Variants in RALGAPA2 observed in about 807,000 individuals in gnomAD.
The protein encoded by RALGAPA2 is ral GTPase-activating protein subunit alpha-2.
In RALGAPA2, 139 loss-of-function variants were observed where a neutral mutation model predicts 230.4. The ratio of observed to expected loss-of-function variants is 0.60; its 90% confidence interval spans 0.53 to 0.69. RALGAPA2 has a LOEUF of 0.69. Among genes scored for constraint, RALGAPA2 ranks in the 30% least tolerant of loss-of-function variants. The pLI, the probability that RALGAPA2 is intolerant of heterozygous loss-of-function variation, is 0.00. For synonymous variants in RALGAPA2, 847 were observed against 837.8 expected, an observed-to-expected ratio of 1.01 and a Z score of -0.19; for missense variants, 2,163 against 2,276.0, an observed-to-expected ratio of 0.95 and a Z score of 1.01.
intron 20 of RALGAPA2, among the ~76,000 whole-genome samples, chr20:20,582,015 GA>G (rs1450744810): frequency 6.6e-6 from 1 of 152,076 alleles, no homozygotes; most frequent in African/African-American, 2.4e-5. Context: ...TTCCCGCACT[GA>G]TTCCTCAGAC....
Position 20,513,093 on chromosome 20 carries a change from G to A in RALGAPA2, c.4276C>T (p.Leu1426=). Residue 1426 remains leucine, a synonymous_variant, in exon 32 of 40, where the codon CTG becomes TTG. Transcript: ENST00000202677. ...LSFEVFRSPN[L]QLFVFNDSTL... is the part of the protein sequence containing the mutation. Reference sequence around the variant, plus strand: ...CTATCATTAAATACAAACAGCTGCAGGTTTGGACTTCTGAACACCTCAAAG... The same window carrying A: ...CTATCATTAAATACAAACAGCTGCAAGTTTGGACTTCTGAACACCTCAAAG... 6.3e-7 allele frequency: 1 copy of A among 1,599,830 alleles called. No individual in the cohort carries two copies. The highest frequency in any genetic ancestry group is 8.5e-7 in the Non-Finnish European group (1 of 1,174,048).
intron 24 of RALGAPA2, among the ~76,000 whole-genome samples, chr20:20,539,571 C>A (rs996124352): frequency 1.3e-5 from 2 of 152,132 alleles, no homozygotes; most frequent in African/African-American, 4.8e-5. Context: ...ATGATTACCA[C>A]AAACAAGTGA....
rs1776210782 is a variant in RALGAPA2 at position 20,513,148 on chromosome 20, G to C, written c.4221C>G (p.Asp1407Glu). ...GCTCGGAGCCTTCCACATGGGCATT[G>C]TCATGGTTCTCGCTGACAAGGCTGT... ...ILHSLVSENH[D>E]NAHVEGSELS... is the part of the protein sequence containing the mutation. The change falls in exon 32 of 40, where the codon GAC becomes GAG. Residue 1407 changes from aspartate to glutamate, a missense_variant. Transcript: ENST00000202677. The C allele has an allele frequency of 6.4e-7, 1 of 1,559,344 alleles. No individual in the cohort carries two copies. The highest frequency in any genetic ancestry group is 1.3e-5 in the South Asian group (1 of 79,718).
At chr20:20,632,326 G>A (rs959166668) in intron 9 of RALGAPA2, among the ~76,000 whole-genome samples, 1 of 151,966 alleles carries the variant, frequency 6.6e-6, no homozygotes, top group Admixed American at 6.6e-5. Flanking sequence ...CACCGTGCCC[G>A]GCCCCTAATT....
At chr20:20,602,967 G>T (rs995075131) in intron 15 of RALGAPA2, among the ~76,000 whole-genome samples, 2 of 152,114 alleles carry the variant, frequency 1.3e-5, no homozygotes, top group African/African-American at 4.8e-5. Flanking sequence ...GTTCTCTTCT[G>T]GGCTGAGAAC....
chr20:20,679,178 C>T (rs771219759), intron 2 of RALGAPA2, among the ~76,000 whole-genome samples: 1 of 152,154 alleles, frequency 6.6e-6, no homozygotes, highest in Non-Finnish European at 1.5e-5. Flanking sequence ...CCATGCACCT[C>T]AAACACAGAC....
intron 37 of RALGAPA2, among the ~76,000 whole-genome samples, chr20:20,450,918 T>C (rs936677487): frequency 3.9e-5 from 6 of 152,232 alleles, no homozygotes; most frequent in African/African-American, 9.6e-5. Context: ...TAGGTAATTA[T>C]TTGAATACTC....
rs16981989 is a variant in RALGAPA2 at position 20,569,554 on chromosome 20, A to C, written c.3156+1904T>G. Among the ~76,000 whole-genome samples, 914 of 152,306 alleles carry C rather than the reference A, an allele frequency of 6.0e-3. 7 individuals carry two copies. The highest frequency in any genetic ancestry group is 0.021 in the African/African-American group (874 of 41,582). ...GAGCCTTAACTTAATTAAAAACATA[A>C]CATGCATTAAGATGTAAAAACAATT... On this transcript the variant is annotated intron_variant, in intron 23 of 39. Coordinates refer to ENST00000202677, the MANE Select transcript of RALGAPA2 (RefSeq NM_020343.4).
Position 20,634,488 on chromosome 20 carries a change from C to T in RALGAPA2, c.1005+930G>A, listed in dbSNP as rs558472787. Among the ~76,000 whole-genome samples the T allele has an allele frequency of 2.0e-5, 3 of 152,326 alleles. No individual in the cohort carries two copies. In the South Asian group the frequency reaches 6.2e-4, roughly 32 times the overall value. On this transcript the variant is annotated intron_variant, in intron 9 of 39. Coordinates refer to ENST00000202677, the MANE Select transcript of RALGAPA2 (RefSeq NM_020343.4). ...CTTAAAAATAAGTTCTCCTCTAACT[C>T]TTCAGTGACTTCTCCCCAGTGGAGC...
chr20:20,639,611 G>A (rs905759938), intron 7 of RALGAPA2, among the ~76,000 whole-genome samples, 174 bp downstream of exon 7: 1 of 152,166 alleles, frequency 6.6e-6, no homozygotes, highest in Non-Finnish European at 1.5e-5. Flanking sequence ...AGCTGGTCTT[G>A]CTGAAGTGAC....
At chr20:20,707,415 G>C (rs2069649479) in intron 1 of RALGAPA2, among the ~76,000 whole-genome samples, 1 of 152,038 alleles carries the variant, frequency 6.6e-6, no homozygotes, top group African/African-American at 2.4e-5. Context: ...AAAAAGGAAA[G>C]AAGGAAGGAG....
At chr20:20,655,489 G>A (rs979956562) in intron 3 of RALGAPA2, among the ~76,000 whole-genome samples, 13 of 152,160 alleles carry the variant, frequency 8.5e-5, no homozygotes, top group African/African-American at 2.9e-4. Flanking sequence ...AGTGGATAGG[G>A]ACAGAAGGAA....
chr20:20,689,147 A>T (rs1461657346), intron 1 of RALGAPA2, among the ~76,000 whole-genome samples: 1 of 152,172 alleles, frequency 6.6e-6, no homozygotes, highest in African/African-American at 2.4e-5. Context: ...CAGCACTAAA[A>T]TTTTTAAACT....
intron 16 of RALGAPA2, among the ~76,000 whole-genome samples, chr20:20,595,982 CAAAA>C (rs973632670): frequency 6.6e-6 from 1 of 151,582 alleles, no homozygotes; most frequent in African/African-American, 2.4e-5. Flanking sequence ...AACAAACAAA[CAAAA>C]AAACTGTAGA....
chr20:20,451,100 A>G (rs2060977426), intron 37 of RALGAPA2, among the ~76,000 whole-genome samples: 1 of 152,260 alleles, frequency 6.6e-6, no homozygotes, highest in Non-Finnish European at 1.5e-5. Flanking sequence ...ATTTTTAGGC[A>G]CACCAAATAC....
At chr20:20,504,580 G>T (rs567533951) in intron 34 of RALGAPA2, among the ~76,000 whole-genome samples, 4 of 152,226 alleles carry the variant, frequency 2.6e-5, no homozygotes, top group African/African-American at 9.6e-5. Context: ...AAAAAAATCA[G>T]CTGGGTGTGG....
At chr20:20,706,848 G>A (rs1383370090) in intron 1 of RALGAPA2, among the ~76,000 whole-genome samples, 1 of 152,208 alleles carries the variant, frequency 6.6e-6, no homozygotes, top group Non-Finnish European at 1.5e-5. Flanking sequence ...TGGCAGACAA[G>A]TAGCTATTCT....
At position 20,635,605 on chromosome 20, in the gene RALGAPA2, A is replaced by G; in HGVS notation, c.818T>C (p.Leu273Ser). 2 of 1,548,408 alleles carry G rather than the reference A, an allele frequency of 1.3e-6. No homozygotes were observed. Among genetic ancestry groups the G allele is most frequent in the Non-Finnish European group, 8.7e-7 (1 of 1,153,728 alleles). The change falls in exon 9 of 40, where the codon TTG becomes TCG. Residue 273 changes from leucine (L) to serine (S), a missense_variant. Leu to Ser is a moderately radical substitution (Grantham distance 145). Transcript: ENST00000202677. ...AGTAATGTACACAGGCTTTGGTCTC[A>G]AATGGGGGATGTCTGGTAGAAGAAA... ...IYKPVLDIPH[L>S]RPKPVYITTT...
At chr20:20,504,361 C>T (rs968333343) in intron 34 of RALGAPA2, among the ~76,000 whole-genome samples, 9 of 152,190 alleles carry the variant, frequency 5.9e-5, no homozygotes, top group Admixed American at 1.3e-4. Context: ...CTGTTTCCAT[C>T]CCTGCCTTAG....
Sources: allele counts gnomAD v4.1 joint callset (sites outside exome capture counted in the v4.1 genomes callset), GRCh38; gene constraint gnomAD v4.1.1; transcripts MANE v1.5; gene names NCBI Gene and HGNC (gene_info 2026-07-23, HGNC 2026-07-21).